The following GFRA2 variants were observed in gnomAD, a reference collection of about 807,000 sequenced individuals.
GFRA2 encodes the protein GDNF family receptor alpha-2.
Under a neutral mutation model 48.3 loss-of-function variants are expected in GFRA2, and 17 were observed. The observed-to-expected ratio is 0.35, with a 90% CI of 0.24 to 0.53. The LOEUF (loss-of-function observed/expected upper bound fraction) is 0.53. Among genes scored for constraint, GFRA2 ranks in the 20% least tolerant of loss-of-function variants. The pLI is 0.93. For synonymous variants in GFRA2, 305 were observed against 257.2 expected (o/e 1.19, Z -1.78); for missense variants, 660 against 637.3 (o/e 1.04, Z -0.38).
At chr8:21,783,234 G>A (rs1371698664) in intron 1 of GFRA2, 2 of 466,822 alleles carry the variant, frequency 4.3e-6, no homozygotes, top group Admixed American at 2.6e-5. Flanking sequence ...CACAGCCTCA[G>A]CAGAGAGCTG....
intron 2 of GFRA2, among the ~76,000 whole-genome samples, chr8:21,802,124 C>G (rs1807783063): frequency 2.6e-5 from 4 of 152,228 alleles, no homozygotes; most frequent in Admixed American, 6.5e-5. Context: ...TCACTCCTCA[C>G]CCTGTACAAA....
rs1383300412 is a variant in GFRA2, at chr8:21,782,774, G to A, written c.166C>T (p.Arg56Cys). ...AGGCACTGCCGCAGAGTGCGGTAGC[G>A]AGAGCTGCAGTTGGATTCGGCGGCA... ...LCAAESNCSSRYRTLRQCLAG... is the reference protein window; with the variant it reads ...LCAAESNCSSCYRTLRQCLAG... The change falls in exon 2 of 9, where the codon CGC (arginine) becomes TGC (cysteine). Residue 56 changes from arginine (R) to cysteine (C), a missense_variant. Arg to Cys is a radical substitution (Grantham distance 180). Coordinates refer to ENST00000524240, the MANE Select transcript of GFRA2 (RefSeq NM_001495.5). The A allele has an allele frequency of 1.7e-5, 27 of 1,591,470 alleles. No homozygotes were observed. In the South Asian group the frequency reaches 1.9e-4, roughly 11 times the overall value.
chr8:21,709,649 G>A (rs760605251), intron 4 of GFRA2, among the ~76,000 whole-genome samples: 4 of 152,132 alleles, frequency 2.6e-5, no homozygotes, highest in African/African-American at 4.8e-5. Context: ...TCTCCCTTGG[G>A]GAGCACACTG....
At chr8:21,774,355 ATGGCACAGGGGGTGGCCTGAGGACCAGAG>A (rs1158696122) in intron 3 of GFRA2, among the ~76,000 whole-genome samples, 18 of 152,248 alleles carry the variant, frequency 1.2e-4, no homozygotes, top group Admixed American at 1.0e-3. Flanking sequence ...CCCAAGGAGG[ATGGCACAGGGGGTGGCCTGAGGACCAGAG>A]TGGCTCCTGC....
Position 21,782,731 on chromosome 8 carries a change from T to C in GFRA2, c.209A>G (p.Asn70Ser). 1.9e-6 allele frequency: 3 copies of C among 1,597,772 alleles called. No homozygotes were observed. The highest frequency in any genetic ancestry group is 2.6e-6 in the Non-Finnish European group (3 of 1,172,898). ...GCACTCCTTGTTGGCCAGCATGGTG[T>C]TGCGGTCGCGGCCTGCCAGGCACTG... ...LRQCLAGRDR[N>S]TMLANKECQA... The change falls in exon 2 of 9, where the codon AAC becomes AGC. Residue 70 changes from asparagine (N) to serine (S), a missense_variant. Asn to Ser is a conservative substitution (Grantham distance 46). Transcript: ENST00000524240.
At chr8:21,784,462 C>T (rs1324397346) in intron 1 of GFRA2, 2 of 396,772 alleles carry the variant, frequency 5.0e-6, no homozygotes, top group African/African-American at 2.1e-5. Flanking sequence ...CCAGAACAGC[C>T]ACTCTCAGGC....
chr8:21,737,598 T>TCAGCCGGC (rs2117530711), intron 4 of GFRA2, among the ~76,000 whole-genome samples: 1 of 152,180 alleles, frequency 6.6e-6, no homozygotes, highest in East Asian at 1.9e-4. Flanking sequence ...CTCTCCTCCC[T>TCAGCCGGC]CAGCCGGCAC....
chr8:21,772,098 G>T (rs1316083029), intron 3 of GFRA2, among the ~76,000 whole-genome samples: 6 of 152,170 alleles, frequency 3.9e-5, no homozygotes, highest in African/African-American at 1.4e-4. Flanking sequence ...ACCATTTTCT[G>T]TGTGCCTTGA....
chr8:21,761,748 G>A (rs920392575), intron 3 of GFRA2, among the ~76,000 whole-genome samples: 6 of 152,002 alleles, frequency 3.9e-5, no homozygotes, highest in Admixed American at 6.6e-5. Context: ...CCAGGAGTTC[G>A]AGACCAGCCT....
intron 4 of GFRA2, among the ~76,000 whole-genome samples, chr8:21,724,967 A>ACAC (rs1414536199): frequency 6.6e-6 from 1 of 152,178 alleles, no homozygotes; most frequent in East Asian, 1.9e-4. Context: ...CAGTCCCTGG[A>ACAC]CACCAGCACA....
At chr8:21,722,293 G>T (rs1262242570) in intron 4 of GFRA2, among the ~76,000 whole-genome samples, 1 of 152,124 alleles carries the variant, frequency 6.6e-6, no homozygotes, top group African/African-American at 2.4e-5. Context: ...AGGCTCCCAG[G>T]AACATAGCGC....
At chr8:21,706,212 C>G (rs1802737011) in intron 4 of GFRA2, among the ~76,000 whole-genome samples, 171 bp from the exon 5 acceptor site, 1 of 152,182 alleles carries the variant, frequency 6.6e-6, no homozygotes, top group Non-Finnish European at 1.5e-5. Flanking sequence ...GGGGCTCAAT[C>G]TGTGAGCTTC....
intron 3 of GFRA2, among the ~76,000 whole-genome samples, chr8:21,757,334 C>T (rs1020445606): frequency 2.0e-5 from 3 of 152,174 alleles, no homozygotes. Flanking sequence ...GAAGCCCCCA[C>T]CCCCAGCAGG....
chr8:21,788,664 G>A lies in GFRA2; in HGVS notation c.-505C>T, dbSNP rs1312365102. On this transcript the variant is annotated 5_prime_UTR_variant, in exon 1 of 9. Coordinates refer to ENST00000524240, the MANE Select transcript of GFRA2 (RefSeq NM_001495.5). ...TCAGCGCCCAAGAACAATCCAGTCG[G>A]AGCTTCGAGGACGAGAGACTGGAGT... 1 of 986,168 alleles carries A rather than the reference G, an allele frequency of 1.0e-6. No individual in the cohort carries two copies. 61.1% of individuals were successfully genotyped at this position (986,168 alleles called of 1,614,324 possible).
intron 2 of GFRA2, among the ~76,000 whole-genome samples, chr8:21,801,265 G>T (rs1185249749): frequency 7.2e-5 from 11 of 152,118 alleles, no homozygotes; most frequent in Admixed American, 7.2e-4. Flanking sequence ...TTCTCAATGA[G>T]AGTCACCCCT....
chr8:21,766,061 C>T (rs150047054), intron 3 of GFRA2, among the ~76,000 whole-genome samples: 77,699 of 151,784 alleles, frequency 0.51, 22,778 homozygotes, highest in African/African-American at 0.81. Context: ...GCTAGTCAAC[C>T]GCCTCAATGC....
chr8:21,760,182 G>C (rs372005922), intron 3 of GFRA2, among the ~76,000 whole-genome samples: 2 of 152,148 alleles, frequency 1.3e-5, no homozygotes, highest in Admixed American at 1.3e-4. Flanking sequence ...GAGACCTTGC[G>C]GGGCAGGTAA....
chr8:21,776,810 T>A lies in GFRA2; in HGVS notation c.356-1755A>T, dbSNP rs928114752. On this transcript the variant is annotated intron_variant, in intron 2 of 8. Transcript: ENST00000524240. ...ACGGCCCATATCTGATCCCACCTTC[T>A]CCTTGGGGCCTTTGGGCCCCTGTCC... Among the ~76,000 whole-genome samples, 4 of 152,092 alleles carry A rather than the reference T, an allele frequency of 2.6e-5. No homozygotes were observed. The East Asian group carries it at 7.8e-4, about 30-fold the overall frequency.
chr8:21,716,404 A>C (rs967184251), intron 4 of GFRA2, among the ~76,000 whole-genome samples: 2 of 152,138 alleles, frequency 1.3e-5, no homozygotes, highest in South Asian at 4.1e-4. Context: ...CAATCAGAAG[A>C]AGCACACACT....
Sources: allele counts gnomAD v4.1 joint callset (sites outside exome capture counted in the v4.1 genomes callset), GRCh38; gene constraint gnomAD v4.1.1; transcripts MANE v1.5; gene names NCBI Gene and HGNC (gene_info 2026-07-23, HGNC 2026-07-21).